The following CORIN variants were observed in gnomAD, a reference collection of about 807,000 sequenced individuals.
The protein encoded by CORIN is atrial natriuretic peptide-converting enzyme.
CORIN carries 117 observed loss-of-function variants against 125.3 expected under a neutral mutation model. The observed-to-expected ratio is 0.93, with a 90% CI of 0.80 to 1.09. The LOEUF (loss-of-function observed/expected upper bound fraction) is 1.09. Among genes scored for constraint, CORIN ranks in the 50% least tolerant of loss-of-function variants. CORIN has a pLI of 0.00. For missense variants in CORIN, 1,253 were observed against 1,306.7 expected, an observed-to-expected ratio of 0.96 and a Z score of 0.63; for synonymous variants, 450 against 466.4, an observed-to-expected ratio of 0.96 and a Z score of 0.45.
In CORIN at chr4:47,594,940, T is replaced by A. The variant is rs1356423771; in HGVS notation, c.*781A>T. On this transcript the variant is annotated 3_prime_UTR_variant, in exon 22 of 22. Coordinates refer to ENST00000273857, the MANE Select transcript of CORIN (RefSeq NM_006587.4). Reference sequence around the variant, plus strand: ...CTTGATATACATCCAGAATGGGGGGTCCAATAATGTCAAGTGTTAATATTG... The same window carrying A: ...CTTGATATACATCCAGAATGGGGGGACCAATAATGTCAAGTGTTAATATTG... 1 of 152,098 alleles carries A rather than the reference T, an allele frequency of 6.6e-6. No homozygotes were observed. Among genetic ancestry groups the A allele is most frequent in the Non-Finnish European group, 1.5e-5 (1 of 68,014 alleles). The allele number at this position is 152,098 out of a possible 1,614,324, so 9.4% of individuals were successfully genotyped here.
chr4:47,630,333 C>T (rs932566981), intron 16 of CORIN, among the ~76,000 whole-genome samples: 9 of 152,080 alleles, frequency 5.9e-5, no homozygotes, highest in African/African-American at 9.7e-5. Context: ...AATCATCTTA[C>T]GTAAAAGGTG....
intron 1 of CORIN, among the ~76,000 whole-genome samples, chr4:47,807,648 C>T (rs1036436047): frequency 2.6e-5 from 4 of 152,188 alleles, no homozygotes; most frequent in Non-Finnish European, 5.9e-5. Flanking sequence ...AGGACATCCT[C>T]GGCTGCCCAT....
At chr4:47,836,314 C>CAAA (rs11442104) in intron 1 of CORIN, among the ~76,000 whole-genome samples, 3 of 150,662 alleles carry the variant, frequency 2.0e-5, no homozygotes, top group African/African-American at 7.3e-5. Context: ...TTGACTGTGA[C>CAAA]AAAAAAAAAT....
At chr4:47,689,462 C>T (rs903605792) in intron 6 of CORIN, among the ~76,000 whole-genome samples, 4 of 152,086 alleles carry the variant, frequency 2.6e-5, no homozygotes, top group Admixed American at 1.3e-4. Context: ...GTATTACACT[C>T]GGTGTAATTA....
rs545431096 is a variant in CORIN at position 47,750,584 on chromosome 4, G to A, written c.618-6001C>T. On this transcript the variant is annotated intron_variant, in intron 4 of 21. Coordinates refer to ENST00000273857, the MANE Select transcript of CORIN (RefSeq NM_006587.4). ...GGAGCTGTTAGCACCCTAGGTTTAAGAGACAAGGGGAAAAAGAATTTTCTG... is the reference window on the plus strand; with the variant it reads ...GGAGCTGTTAGCACCCTAGGTTTAAAAGACAAGGGGAAAAAGAATTTTCTG... Among the ~76,000 whole-genome samples the A allele has an allele frequency of 3.3e-5, 5 of 152,324 alleles. No individual in the cohort carries two copies. In the South Asian group the frequency reaches 1.0e-3, roughly 32 times the overall value.
chr4:47,820,517 G>A (rs1033579665), intron 1 of CORIN, among the ~76,000 whole-genome samples: 18 of 152,126 alleles, frequency 1.2e-4, no homozygotes, highest in Non-Finnish European at 2.5e-4. Flanking sequence ...AAGCTCTTAT[G>A]AGAAATGAAA....
chr4:47,683,966 A>G, intron 6 of CORIN, 128 bp from the exon 7 acceptor site: 1 of 629,752 alleles, frequency 1.6e-6, no homozygotes, highest in South Asian at 2.2e-5. Context: ...CTATTGTTTT[A>G]TAGGTGAGAA....
chr4:47,732,929 G>A (rs922350639), intron 5 of CORIN, among the ~76,000 whole-genome samples: 4 of 151,910 alleles, frequency 2.6e-5, no homozygotes, highest in Admixed American at 6.6e-5. Context: ...CCACTGTCTC[G>A]CGTCTCTCCC....
intron 4 of CORIN, among the ~76,000 whole-genome samples, chr4:47,748,634 A>T (rs1375014635): frequency 6.6e-6 from 1 of 152,180 alleles, no homozygotes; most frequent in Non-Finnish European, 1.5e-5. Context: ...TAAAAATGTT[A>T]GAGAATTTAT....
In CORIN at chr4:47,651,376, C is replaced by T. The variant is rs113958471; in HGVS notation, c.1843+2177G>A. 1.1e-3 allele frequency among the ~76,000 whole-genome samples: 168 copies of T among 152,316 alleles called. 1 individual carries two copies. Among genetic ancestry groups the T allele is most frequent in the African/African-American group, 4.0e-3 (168 of 41,568 alleles). ...ACCAGATGGTGTGCCTATGCACATA[C>T]GAAAACAGAAAGACAAACAGCAAGG... On this transcript the variant is annotated intron_variant, in intron 13 of 21. Transcript: ENST00000273857.
chr4:47,833,361 T>C (rs1226140077), intron 1 of CORIN, among the ~76,000 whole-genome samples: 1 of 151,996 alleles, frequency 6.6e-6, no homozygotes, highest in Non-Finnish European at 1.5e-5. Flanking sequence ...AAGAATAACA[T>C]TGGAACTTTA....
intron 5 of CORIN, among the ~76,000 whole-genome samples, chr4:47,728,494 C>T (rs892680221): frequency 6.6e-6 from 1 of 152,034 alleles, no homozygotes; most frequent in Non-Finnish European, 1.5e-5. Flanking sequence ...CATGATGGGG[C>T]GTACAAAGCT....
At chr4:47,712,826 C>A (rs2109780567) in intron 5 of CORIN, among the ~76,000 whole-genome samples, 1 of 151,972 alleles carries the variant, frequency 6.6e-6, no homozygotes, top group Middle Eastern at 3.4e-3. Flanking sequence ...TAAGAAATCA[C>A]CAAGGAAAGA....
At chr4:47,753,078 TAAAG>T (rs1447808599) in intron 4 of CORIN, among the ~76,000 whole-genome samples, 1 of 151,992 alleles carries the variant, frequency 6.6e-6, no homozygotes, top group Non-Finnish European at 1.5e-5. Flanking sequence ...GTCTAAGAAA[TAAAG>T]AGAGTACAAA....
intron 5 of CORIN, among the ~76,000 whole-genome samples, chr4:47,722,483 C>T (rs1017212031): frequency 6.6e-6 from 1 of 152,158 alleles, no homozygotes; most frequent in Non-Finnish European, 1.5e-5. Context: ...GGGTATAAAA[C>T]ATCTGGAGTT....
intron 13 of CORIN, among the ~76,000 whole-genome samples, chr4:47,652,104 C>A (rs1281679004): frequency 6.6e-6 from 1 of 152,126 alleles, no homozygotes; most frequent in East Asian, 1.9e-4. Flanking sequence ...CAATAAATCA[C>A]TTATATAAGG....
At chr4:47,703,084 G>A (rs898784334) in intron 5 of CORIN, among the ~76,000 whole-genome samples, 3 of 152,086 alleles carry the variant, frequency 2.0e-5, no homozygotes, top group African/African-American at 7.2e-5. Context: ...TGATCTTCAG[G>A]ATATTGGTAC....
chr4:47,737,906 T>C (rs892541576), intron 5 of CORIN, among the ~76,000 whole-genome samples: 7 of 152,146 alleles, frequency 4.6e-5, no homozygotes, highest in African/African-American at 1.4e-4. Context: ...TTTTCTTGTC[T>C]GTTAGCTCCC....
chr4:47,816,048 T>C (rs115948524), intron 1 of CORIN, among the ~76,000 whole-genome samples: 158 of 152,326 alleles, frequency 1.0e-3, no homozygotes, highest in African/African-American at 3.7e-3. Context: ...AATTAAAAGA[T>C]TGACTTTCTA....
Sources: allele counts gnomAD v4.1 joint callset (sites outside exome capture counted in the v4.1 genomes callset), GRCh38; gene constraint gnomAD v4.1.1; transcripts MANE v1.5; gene names NCBI Gene and HGNC (gene_info 2026-07-23, HGNC 2026-07-21).